Variants in MCC observed in about 807,000 individuals in gnomAD.
The protein encoded by MCC is MCC regulator of Wnt signaling pathway.
A neutral mutation model predicts 116.2 loss-of-function variants in MCC; 90 were observed. The observed-to-expected ratio is 0.77, with a 90% CI of 0.65 to 0.92. The LOEUF (loss-of-function observed/expected upper bound fraction) is 0.92. Among genes scored for constraint, MCC ranks in the 40% least tolerant of loss-of-function variants. The pLI is 0.00. For synonymous variants in MCC, 578 were observed against 510.5 expected, an observed-to-expected ratio of 1.13 and a Z score of -1.78; for missense variants, 1,516 against 1,312.2, an observed-to-expected ratio of 1.16 and a Z score of -2.40.
chr5:113,048,577 ATATTT>A (rs79225441), intron 16 of MCC: 63,774 of 160,122 alleles, frequency 0.4, 12,814 homozygotes, highest in Non-Finnish European at 0.44. Context: ...TGTTCTATTA[ATATTT>A]TATTAGTTGT....
At position 113,085,260 on chromosome 5, in the gene MCC, G is replaced by A. The variant is rs1274429303; in HGVS notation, c.1449C>T (p.Ser483=). The A allele has an allele frequency of 6.2e-7, 1 of 1,614,206 alleles. No homozygotes were observed. The highest frequency in any genetic ancestry group is 1.6e-4 in the Middle Eastern group (1 of 6,062). Residue 483 remains serine, a synonymous_variant, in exon 9 of 19, where the codon TCC becomes TCT. Transcript: ENST00000408903. The stretch of plus-strand genomic sequence containing the variant: ...TGGTGGAAGTGAGGCGGCCAGGGCT[G>A]GAGGGACCTGTGGCCTGCACGCTCT... ...RLQSVQATGP[S]SPGRLTSTNR...
At chr5:113,111,141 G>A (rs1156249782) in intron 6 of MCC, among the ~76,000 whole-genome samples, 1 of 152,162 alleles carries the variant, frequency 6.6e-6, no homozygotes, top group Non-Finnish European at 1.5e-5. Flanking sequence ...TTTTTATGTT[G>A]CTGTTTGGGG....
intron 2 of MCC, among the ~76,000 whole-genome samples, chr5:113,375,072 C>T (rs1768950125): frequency 6.6e-6 from 1 of 150,828 alleles, no homozygotes; most frequent in Admixed American, 6.6e-5. Context: ...CAGCTATGTA[C>T]TCCCTGGATG....
At chr5:113,096,633 C>T (rs756060988) in intron 8 of MCC, among the ~76,000 whole-genome samples, 6 of 152,150 alleles carry the variant, frequency 3.9e-5, no homozygotes, top group Non-Finnish European at 8.8e-5. Context: ...ACAGGCAGGG[C>T]GCAGAAGCAT....
At chr5:113,172,800 G>A (rs1018773376) in intron 3 of MCC, among the ~76,000 whole-genome samples, 2 of 152,102 alleles carry the variant, frequency 1.3e-5, no homozygotes, top group Admixed American at 6.5e-5. Flanking sequence ...GCCTTCTACC[G>A]AAAGCTATTG....
chr5:113,053,418 G>A (rs976491155), intron 15 of MCC, among the ~76,000 whole-genome samples: 1 of 152,156 alleles, frequency 6.6e-6, no homozygotes, highest in Non-Finnish European at 1.5e-5. Context: ...GAGATTAGGG[G>A]TCAATTTAGA....
chr5:113,053,458 G>C (rs75307598), intron 15 of MCC, among the ~76,000 whole-genome samples: 29 of 152,286 alleles, frequency 1.9e-4, no homozygotes, highest in Non-Finnish European at 3.1e-4. Context: ...GCAGAGGTCT[G>C]ACCTGGCTTC....
At chr5:113,159,752 C>T (rs1240718122) in intron 3 of MCC, among the ~76,000 whole-genome samples, 3 of 152,188 alleles carry the variant, frequency 2.0e-5, no homozygotes, top group South Asian at 4.1e-4. Context: ...TACCATCAGG[C>T]CTGTTCAGTG....
intron 3 of MCC, among the ~76,000 whole-genome samples, chr5:113,182,289 C>T (rs1198952419): frequency 6.6e-6 from 1 of 152,270 alleles, no homozygotes; most frequent in Admixed American, 6.5e-5. Flanking sequence ...ATCTGTTCTT[C>T]CATCACTACA....
chr5:113,372,095 T>C, intron 2 of MCC, among the ~76,000 whole-genome samples: 1 of 152,172 alleles, frequency 6.6e-6, no homozygotes, highest in East Asian at 1.9e-4. Flanking sequence ...AGATGAACAA[T>C]TTCATTGTGT....
At chr5:113,159,604 T>C (rs941390342) in intron 3 of MCC, among the ~76,000 whole-genome samples, 1 of 152,214 alleles carries the variant, frequency 6.6e-6, no homozygotes, top group Non-Finnish European at 1.5e-5. Context: ...CCAGCTATCC[T>C]TGGAGACAGC....
At chr5:113,159,796 G>A (rs767889156) in intron 3 of MCC, among the ~76,000 whole-genome samples, 14 of 152,240 alleles carry the variant, frequency 9.2e-5, no homozygotes, top group South Asian at 6.2e-4. Flanking sequence ...CTTTACTACC[G>A]GAATTCCAGC....
At chr5:113,075,104 T>G (rs560689339) in intron 11 of MCC, among the ~76,000 whole-genome samples, 1 of 152,286 alleles carries the variant, frequency 6.6e-6, no homozygotes, top group South Asian at 2.1e-4. Flanking sequence ...CAGCTCAGCA[T>G]GGGCTCACCA....
intron 1 of MCC, among the ~76,000 whole-genome samples, chr5:113,468,665 C>T (rs895453869): frequency 5.3e-5 from 8 of 152,092 alleles, no homozygotes; most frequent in African/African-American, 4.8e-5. Flanking sequence ...TGTCTCTGCC[C>T]GGCTTTGGTA....
intron 3 of MCC, among the ~76,000 whole-genome samples, chr5:113,329,479 T>C (rs1443995024): frequency 2.2e-5 from 3 of 134,954 alleles, no homozygotes; most frequent in Non-Finnish European, 4.8e-5. Flanking sequence ...TATATACGTA[T>C]ACACACACAT....
At position 113,070,571 on chromosome 5, in the gene MCC, T is replaced by C. The variant is rs548879971; in HGVS notation, c.1925+523A>G. On this transcript the variant is annotated intron_variant, in intron 12 of 18. Coordinates refer to ENST00000408903, the MANE Select transcript of MCC (RefSeq NM_001085377.2). ...TTGGGATTTTATCCAGAGGAAAATA[T>C]TCAAAAGAATGAAGATCTTATCTGC... Among the ~76,000 whole-genome samples the C allele has an allele frequency of 2.3e-4, 35 of 152,354 alleles. 1 individual carries two copies. The South Asian group carries it at 7.3e-3, about 32-fold the overall frequency.
intron 3 of MCC, among the ~76,000 whole-genome samples, chr5:113,199,623 T>C (rs989042054): frequency 6.6e-6 from 1 of 152,168 alleles, no homozygotes; most frequent in Non-Finnish European, 1.5e-5. Flanking sequence ...CTGTGTGCCA[T>C]GGGCCATAGA....
intron 3 of MCC, among the ~76,000 whole-genome samples, chr5:113,154,603 T>C (rs1760069190): frequency 6.6e-6 from 1 of 152,194 alleles, no homozygotes; most frequent in African/African-American, 2.4e-5. Flanking sequence ...CTCCCCTCTT[T>C]TGGGGTTTCA....
Position 113,434,498 on chromosome 5 carries a change from G to T in MCC, c.171-49286C>A. 1 of 1,613,258 alleles carries T rather than the reference G, an allele frequency of 6.2e-7. No individual in the cohort carries two copies. Among genetic ancestry groups the T allele is most frequent in the Non-Finnish European group, 8.5e-7 (1 of 1,179,382 alleles). On this transcript the variant is annotated intron_variant, in intron 1 of 18. Transcript: ENST00000408903. This position sits in a 1 kb window ranked among gnomAD's most constrained non-coding sequence, Gnocchi z 4.2. ...CCAAGGAAAGCTGGTGGAACTTCTT[G>T]CGAGCTTCGTCCTCATGCAGGGCTC... is the stretch of plus-strand genomic sequence containing the variant.
Sources: allele counts gnomAD v4.1 joint callset (sites outside exome capture counted in the v4.1 genomes callset), GRCh38; gene constraint gnomAD v4.1.1; non-coding constraint Gnocchi (gnomAD v3.1); transcripts MANE v1.5; gene names NCBI Gene and HGNC (gene_info 2026-07-23, HGNC 2026-07-21).